Variants in MFHAS1 observed in about 807,000 individuals in gnomAD.
The protein encoded by MFHAS1 is malignant fibrous histiocytoma-amplified sequence 1.
In MFHAS1, 50 loss-of-function variants were observed where a neutral mutation model predicts 70.4. That is an observed-to-expected ratio of 0.71 (90% CI 0.57 to 0.90). The LOEUF (loss-of-function observed/expected upper bound fraction) is 0.90. Ranked by LOEUF, MFHAS1 falls within the 40% of genes least tolerant of loss-of-function variation. The probability of loss-of-function intolerance (pLI) is 0.00; values close to 1 mark genes in which losing one functional copy is unlikely to be tolerated. For missense variants in MFHAS1, 1,795 were observed against 1,347.6 expected, an observed-to-expected ratio of 1.33 and a Z score of -5.20; for synonymous variants, 952 against 620.0, an observed-to-expected ratio of 1.54 and a Z score of -7.96.
At chr8:8,871,197 C>A (rs1809063081) in intron 1 of MFHAS1, among the ~76,000 whole-genome samples, 1 of 152,162 alleles carries the variant, frequency 6.6e-6, no homozygotes, top group African/African-American at 2.4e-5. Context: ...CACTCCTCAT[C>A]TGTAAACCAG....
intron 1 of MFHAS1, among the ~76,000 whole-genome samples, chr8:8,873,080 C>A (rs1809148695): frequency 6.6e-6 from 1 of 152,176 alleles, no homozygotes; most frequent in African/African-American, 2.4e-5. Flanking sequence ...CAAAACAGCC[C>A]AGCTCTAGGC....
rs764112479 is a variant in MFHAS1 at position 8,890,356 on chromosome 8, C to G, written c.2703G>C (p.Gln901His). ...ACCTGTGCACCACATGGCTGTTGAT[C>G]TGGACACTGTAGCGTGCAAACAACC... ...PLGLFARYSVQINSHVVHRSD... is the reference protein window; with the variant it reads ...PLGLFARYSVHINSHVVHRSD... The change falls in exon 1 of 3, where the codon CAG becomes CAC. Residue 901 changes from glutamine to histidine, a missense_variant. Physicochemically the swap from Gln to His is conservative, Grantham distance 24. Transcript: ENST00000276282. The G allele has an allele frequency of 1.2e-5, 19 of 1,614,106 alleles. No individual in the cohort carries two copies. The South Asian group carries it at 1.4e-4, about 12-fold the overall frequency.
intron 1 of MFHAS1, among the ~76,000 whole-genome samples, chr8:8,845,018 G>T (rs1484160659): frequency 6.6e-6 from 1 of 152,140 alleles, no homozygotes; most frequent in East Asian, 1.9e-4. Flanking sequence ...GGAGTAAGAG[G>T]AAAACTAAGA....
At chr8:8,798,350 G>A (rs368019166) in intron 1 of MFHAS1, among the ~76,000 whole-genome samples, 2 of 152,286 alleles carry the variant, frequency 1.3e-5, no homozygotes, top group South Asian at 4.2e-4. Context: ...TTTGGAGACA[G>A]GCTCTTGGTT....
At chr8:8,856,087 G>A (rs770446260) in intron 1 of MFHAS1, among the ~76,000 whole-genome samples, 1 of 152,150 alleles carries the variant, frequency 6.6e-6, no homozygotes, top group Non-Finnish European at 1.5e-5. Context: ...TTTAGAAGAC[G>A]GTCTTCCCCA....
intron 1 of MFHAS1, among the ~76,000 whole-genome samples, chr8:8,864,121 G>T (rs1808768023): frequency 6.6e-6 from 1 of 152,182 alleles, no homozygotes. Context: ...CATCTCCATG[G>T]CTGCAGTACC....
At position 8,891,158 on chromosome 8, in the gene MFHAS1, T is replaced by C. The variant is rs1458913664; in HGVS notation, c.1901A>G (p.His634Arg). ...VLPVSCRDPR[H>R]LRRLRDKLLS... ...CAACTTGTCCCGAAGGCGTCGTAAG[T>C]GGCGCGGGTCCCTGCAGCTAACAGG... The change falls in exon 1 of 3, where the codon CAC (histidine) becomes CGC (arginine). Residue 634 changes from histidine to arginine, a missense_variant. By Grantham distance (29) the His-to-Arg change is conservative (BLOSUM62 0). Coordinates refer to ENST00000276282, the MANE Select transcript of MFHAS1 (RefSeq NM_004225.3). The surrounding 1 kb of genome is among the most constrained non-coding windows in gnomAD (Gnocchi z 5.4). 5 of 1,613,546 alleles carry C rather than the reference T, an allele frequency of 3.1e-6. 1 individual carries two copies. The South Asian group carries it at 4.4e-5, about 14-fold the overall frequency.
rs142037490 is a variant in MFHAS1, at chr8:8,876,711, A to G, written c.2998+13350T>C. On this transcript the variant is annotated intron_variant, in intron 1 of 2. Transcript: ENST00000276282. ...TTATAAAGGGGAAAAAGTACTTTTA[A>G]AAGAGCATAAGGTGTTCATATGAAC... Among the ~76,000 whole-genome samples, 349 of 152,140 alleles carry G rather than the reference A, an allele frequency of 2.3e-3. 2 individuals are homozygous for G. Among genetic ancestry groups the G allele is most frequent in the African/African-American group, 7.8e-3 (324 of 41,518 alleles).
At chr8:8,837,059 G>C (rs989255850) in intron 1 of MFHAS1, among the ~76,000 whole-genome samples, 6 of 152,118 alleles carry the variant, frequency 3.9e-5, no homozygotes, top group African/African-American at 1.4e-4. Flanking sequence ...CGGAACTTGT[G>C]ACTTTGGCAA....
intron 1 of MFHAS1, among the ~76,000 whole-genome samples, chr8:8,884,581 G>C (rs915734599): frequency 6.6e-6 from 1 of 152,168 alleles, no homozygotes; most frequent in Non-Finnish European, 1.5e-5. Flanking sequence ...ACACTGTGAG[G>C]GGGAGGGAGT....
At chr8:8,796,601 C>G (rs7460947) in intron 2 of MFHAS1, among the ~76,000 whole-genome samples, 63,522 of 111,066 alleles carry the variant, frequency 0.57, 17,441 homozygotes, top group East Asian at 0.82. Flanking sequence ...GGAGAATGGC[C>G]CGAACCCGGA....
chr8:8,835,396 G>A (rs1398093400), intron 1 of MFHAS1, among the ~76,000 whole-genome samples: 2 of 152,092 alleles, frequency 1.3e-5, no homozygotes, highest in Non-Finnish European at 2.9e-5. Context: ...TCTAGATGGT[G>A]GGCATCCCGG....
chr8:8,809,080 A>G (rs555769269), intron 1 of MFHAS1, among the ~76,000 whole-genome samples: 39 of 152,232 alleles, frequency 2.6e-4, no homozygotes, highest in Admixed American at 1.8e-3. Context: ...TGAGGGATCT[A>G]GGTTGCGCGC....
intron 1 of MFHAS1, among the ~76,000 whole-genome samples, chr8:8,835,310 G>C (rs1428911313): frequency 6.6e-6 from 1 of 152,046 alleles, no homozygotes; most frequent in African/African-American, 2.4e-5. Flanking sequence ...AGTTTATTTA[G>C]AAATTAAATA....
At chr8:8,837,032 A>C (rs150097164) in intron 1 of MFHAS1, among the ~76,000 whole-genome samples, 1 of 152,348 alleles carries the variant, frequency 6.6e-6, no homozygotes, top group East Asian at 1.9e-4. Context: ...GCTGAACTGG[A>C]TTGGGACGTG....
At position 8,892,476 on chromosome 8, in the gene MFHAS1, C is replaced by T. The variant is rs1449700332; in HGVS notation, c.583G>A (p.Ala195Thr). The change falls in exon 1 of 3, where the codon GCC becomes ACC. Residue 195 changes from alanine to threonine, a missense_variant. By Grantham distance (58) the Ala-to-Thr change is moderately conservative. Transcript: ENST00000276282. This position sits in a 1 kb window ranked among gnomAD's most constrained non-coding sequence, Gnocchi z 4.7. ...AGCTGCAGCAGCTGCCGGGGGAAGG[C>T]AGTGAGCTGGTTGTGATCCACGTCC... is the stretch of plus-strand genomic sequence containing the variant. ...TLDVDHNQLT[A>T]FPRQLLQLVA... 1 of 1,607,430 alleles carries T rather than the reference C, an allele frequency of 6.2e-7. No individual in the cohort carries two copies. The highest frequency in any genetic ancestry group is 8.5e-7 in the Non-Finnish European group (1 of 1,177,010).
At chr8:8,848,375 G>T (rs1384388873) in intron 1 of MFHAS1, among the ~76,000 whole-genome samples, 2 of 148,566 alleles carry the variant, frequency 1.3e-5, no homozygotes, top group Non-Finnish European at 3.0e-5. Flanking sequence ...TTTAAAAAGG[G>T]CCAGTCAGGC....
At chr8:8,814,728 C>T (rs150160518) in intron 1 of MFHAS1, among the ~76,000 whole-genome samples, 4 of 151,996 alleles carry the variant, frequency 2.6e-5, no homozygotes, top group African/African-American at 2.4e-5. Context: ...AAAGTTCTAA[C>T]AGGCACCAAA....
intron 1 of MFHAS1, among the ~76,000 whole-genome samples, chr8:8,809,204 T>C (rs1341824021): frequency 6.6e-6 from 1 of 152,134 alleles, no homozygotes; most frequent in Non-Finnish European, 1.5e-5. Context: ...TTATAGTGAG[T>C]TGTATAATTA....
Sources: gnomAD v4.1 joint callset for allele counts (sites outside exome capture counted in the v4.1 genomes callset) on GRCh38, gnomAD v4.1.1 for gene constraint, Gnocchi (gnomAD v3.1) non-coding constraint, MANE v1.5 for transcripts, NCBI Gene and HGNC (gene_info 2026-07-23, HGNC 2026-07-21) for gene names.